PUDP: variants seen among roughly 807,000 people sequenced by gnomAD.
The protein encoded by PUDP is pseudouridine 5'-phosphatase.
PUDP carries 8 observed loss-of-function variants against 9.4 expected under a neutral mutation model. The observed-to-expected ratio is 0.85, with a 90% CI of 0.50 to 1.53. The LOEUF (loss-of-function observed/expected upper bound fraction) is 1.53. Among genes scored for constraint, PUDP ranks in the 40% most tolerant of loss-of-function variants. The probability of loss-of-function intolerance (pLI) is 0.00; values close to 1 mark genes in which losing one functional copy is unlikely to be tolerated. For synonymous variants in PUDP, 99 were observed against 80.7 expected (o/e 1.23, Z -1.22); for missense variants, 188 against 189.7 (o/e 0.99, Z 0.05).
chrX:6,853,975 G>A (rs1311193480), intron 3 of PUDP, among the ~76,000 whole-genome samples: 1 of 110,870 alleles, frequency 9.0e-6, no homozygotes, highest in Non-Finnish European at 1.9e-5. Context: ...TGTTGCCCAA[G>A]CTGGTCTTGA....
intron 1 of PUDP, among the ~76,000 whole-genome samples, chrX:6,980,098 TTTCCTTCC>T (rs745385509): frequency 1.9e-5 from 2 of 107,600 alleles, no homozygotes; most frequent in African/African-American, 3.4e-5. Flanking sequence ...CTTCTTCTTC[TTTCCTTCC>T]TTCCTTCCTT....
At chrX:6,736,438 A>G (rs750679036) in intron 3 of PUDP, among the ~76,000 whole-genome samples, 3 of 112,231 alleles carry the variant, frequency 2.7e-5, no homozygotes, top group Admixed American at 9.5e-5. Flanking sequence ...AGGTAATGGA[A>G]TTATCCAGGT....
At chrX:6,932,808 C>G (rs1436371875) in intron 3 of PUDP, among the ~76,000 whole-genome samples, 5 of 111,781 alleles carry the variant, frequency 4.5e-5, no homozygotes, top group South Asian at 3.8e-4. Context: ...CGGCGCACCA[C>G]GAGATTATAT....
intron 1 of PUDP, among the ~76,000 whole-genome samples, chrX:6,997,530 A>G (rs2146807602): frequency 8.9e-6 from 1 of 112,796 alleles, no homozygotes; most frequent in Admixed American, 9.4e-5. Flanking sequence ...TAAATTTGTG[A>G]AAAGCTTACA....
intron 3 of PUDP, among the ~76,000 whole-genome samples, chrX:6,828,325 TCC>T (rs1926454308): frequency 9.1e-6 from 1 of 109,850 alleles, no homozygotes; most frequent in African/African-American, 3.3e-5. Flanking sequence ...TAACTTAACC[TCC>T]CCCTACACAC....
At chrX:7,036,440 T>C (rs1184066076) in intron 1 of PUDP, among the ~76,000 whole-genome samples, 2 of 112,147 alleles carry the variant, frequency 1.8e-5, no homozygotes, top group East Asian at 5.6e-4. Flanking sequence ...TTGAATTGTA[T>C]CTTTGAAAAT....
At chrX:7,145,890 T>C (rs1244287391) in intron 1 of PUDP, among the ~76,000 whole-genome samples, 1 of 112,161 alleles carries the variant, frequency 8.9e-6, no homozygotes, top group African/African-American at 3.2e-5. Context: ...AATAACTCAT[T>C]ATAAATTGAT....
intron 1 of PUDP, among the ~76,000 whole-genome samples, chrX:7,035,949 T>C (rs1458177599): frequency 9.0e-6 from 1 of 111,703 alleles, no homozygotes; most frequent in Non-Finnish European, 1.9e-5. Flanking sequence ...TATTAGTTCC[T>C]GCAAGACCTG....
intron 3 of PUDP, among the ~76,000 whole-genome samples, chrX:6,794,922 G>GC (rs763490434): frequency 2.1e-5 from 2 of 95,761 alleles, no homozygotes; most frequent in East Asian, 3.2e-4. Context: ...AACTTTTTAG[G>GC]TTTTTTTTTT....
intron 1 of PUDP, among the ~76,000 whole-genome samples, chrX:7,121,121 A>AT (rs1932332371): frequency 8.9e-6 from 1 of 111,790 alleles, no homozygotes; most frequent in Non-Finnish European, 1.9e-5. Context: ...TTGTACTCCA[A>AT]TTAAACCTCC....
chrX:7,144,205 G>C (rs1300238133), intron 1 of PUDP, among the ~76,000 whole-genome samples: 2 of 111,953 alleles, frequency 1.8e-5, no homozygotes, highest in African/African-American at 6.5e-5. Context: ...TGAATGACTT[G>C]ATAACATCAA....
In PUDP at chrX:7,147,975, G is replaced by A. The variant is rs1318916699; in HGVS notation, c.61+78C>T. On this transcript the variant is annotated intron_variant, in intron 1 of 3. Transcript: ENST00000381077. ...ACCGCCCCGCCGCGGCCCCCAGGCC[G>A]TGACGTACCCCGCGCCGACCGTCCC... 12 of 797,360 alleles carry A rather than the reference G, an allele frequency of 1.5e-5. No individual in the cohort carries two copies. In the African/African-American group the frequency reaches 2.4e-4, roughly 16 times the overall value. 65.7% of individuals were successfully genotyped at this position (797,360 alleles called of 1,213,427 possible). A position where few individuals can be genotyped will look rare whatever the true frequency, so the allele number is the denominator to read the frequency against.
intron 3 of PUDP, among the ~76,000 whole-genome samples, chrX:6,729,883 G>A (rs764637480): frequency 1.8e-5 from 2 of 110,956 alleles, no homozygotes; most frequent in Non-Finnish European, 3.8e-5. Flanking sequence ...TAGCCAACCC[G>A]GATTAGTCCA....
intron 1 of PUDP, among the ~76,000 whole-genome samples, chrX:7,027,633 G>C (rs1251840186): frequency 1.0e-5 from 1 of 99,349 alleles, no homozygotes; most frequent in East Asian, 3.1e-4. Context: ...TATATGTAAA[G>C]GAGAATACAT....
At chrX:6,758,347 C>CG in intron 3 of PUDP, among the ~76,000 whole-genome samples, 1 of 108,991 alleles carries the variant, frequency 9.2e-6, no homozygotes, top group South Asian at 4.1e-4. Flanking sequence ...CCTCTGGTCC[C>CG]TGATACTTGG....
At chrX:6,738,645 T>G (rs185926143) in intron 3 of PUDP, among the ~76,000 whole-genome samples, 11 of 111,856 alleles carry the variant, frequency 9.8e-5, no homozygotes, top group Middle Eastern at 4.6e-3. Flanking sequence ...TGGAGACATT[T>G]TGGGTTGCAA....
chrX:6,880,158 A>G (rs1243323228), intron 3 of PUDP, among the ~76,000 whole-genome samples: 2 of 108,720 alleles, frequency 1.8e-5, no homozygotes, highest in African/African-American at 6.7e-5. Flanking sequence ...GTTTGACTAT[A>G]TAAGTTCTTT....
At chrX:6,732,623 GGAGGAAGA>G (rs1158385852) in intron 3 of PUDP, among the ~76,000 whole-genome samples, 2 of 104,573 alleles carry the variant, frequency 1.9e-5, no homozygotes, top group South Asian at 9.5e-4. Context: ...AGGGAGGGAG[GGAGGAAGA>G]GAGGAAGGAG....
chrX:6,708,735 C>G (rs986629173), intron 1 of PUDP, among the ~76,000 whole-genome samples: 1 of 111,937 alleles, frequency 8.9e-6, no homozygotes, highest in Non-Finnish European at 1.9e-5. Context: ...CAAGACAACC[C>G]TCTGAGGATG....
Sources: gnomAD v4.1 joint callset for allele counts (sites outside exome capture counted in the v4.1 genomes callset) on GRCh38, gnomAD v4.1.1 for gene constraint, MANE v1.5 for transcripts, NCBI Gene and HGNC (gene_info 2026-07-23, HGNC 2026-07-21) for gene names.